CCSER1: variants seen among roughly 807,000 people sequenced by gnomAD.
CCSER1 encodes the protein coiled-coil serine rich protein 1, also known as serine-rich coiled-coil domain-containing protein 1.
CCSER1 carries 41 observed loss-of-function variants against 82.0 expected under a neutral mutation model. The observed-to-expected ratio is 0.50, with a 90% CI of 0.39 to 0.65. The LOEUF (loss-of-function observed/expected upper bound fraction) is 0.65, where lower values mean the gene tolerates loss of function less well. CCSER1 is among the 30% of genes least tolerant of loss of function. The pLI, the probability that CCSER1 is intolerant of heterozygous loss-of-function variation, is 0.00. For synonymous variants in CCSER1, 414 were observed against 383.9 expected, an observed-to-expected ratio of 1.08 and a Z score of -0.92; for missense variants, 1,119 against 1,064.2, an observed-to-expected ratio of 1.05 and a Z score of -0.72.
chr4:90,820,596 CTGTT>C (rs1177982201), intron 8 of CCSER1, among the ~76,000 whole-genome samples: 2 of 152,134 alleles, frequency 1.3e-5, no homozygotes, highest in Non-Finnish European at 2.9e-5. Flanking sequence ...CTTCCCAACA[CTGTT>C]TGGGATTAAG....
chr4:90,700,750 C>A (rs1373570747), intron 6 of CCSER1, among the ~76,000 whole-genome samples: 1 of 152,220 alleles, frequency 6.6e-6, no homozygotes, highest in Non-Finnish European at 1.5e-5. Context: ...TGATGATGAG[C>A]ATTTGTTCAT....
intron 10 of CCSER1, among the ~76,000 whole-genome samples, chr4:91,089,050 A>C (rs2148822443): frequency 6.6e-6 from 1 of 152,314 alleles, no homozygotes; most frequent in Non-Finnish European, 1.5e-5. Context: ...GTAGTGAAGG[A>C]AGTAGCTTTT....
chr4:91,472,884 A>G (rs1757361102), intron 10 of CCSER1, among the ~76,000 whole-genome samples: 1 of 152,192 alleles, frequency 6.6e-6, no homozygotes, highest in Non-Finnish European at 1.5e-5. Flanking sequence ...ATCCATCATC[A>G]TAACAGTTTA....
At chr4:90,746,053 T>C (rs917624021) in intron 7 of CCSER1, among the ~76,000 whole-genome samples, 4 of 152,140 alleles carry the variant, frequency 2.6e-5, no homozygotes, top group Non-Finnish European at 5.9e-5. Context: ...ACTTGTACTT[T>C]CCATTTAGTG....
chr4:90,213,643 G>A (rs1740455863), intron 1 of CCSER1, among the ~76,000 whole-genome samples: 1 of 152,128 alleles, frequency 6.6e-6, no homozygotes, highest in African/African-American at 2.4e-5. Flanking sequence ...TGCTTGGTGA[G>A]GGACAAGCCA....
intron 1 of CCSER1, among the ~76,000 whole-genome samples, chr4:90,235,960 G>T (rs1745711951): frequency 1.3e-5 from 2 of 151,290 alleles, no homozygotes; most frequent in East Asian, 3.9e-4. Context: ...ATTTTTTTTT[G>T]AGAGAGTGTC....
At chr4:90,282,616 G>T (rs1729077468) in intron 1 of CCSER1, among the ~76,000 whole-genome samples, 1 of 151,826 alleles carries the variant, frequency 6.6e-6, no homozygotes, top group African/African-American at 2.4e-5. Flanking sequence ...TGAAATAATT[G>T]ATGTTTCAGA....
At chr4:91,482,947 G>T (rs928215741) in intron 10 of CCSER1, among the ~76,000 whole-genome samples, 7 of 152,126 alleles carry the variant, frequency 4.6e-5, no homozygotes, top group African/African-American at 1.7e-4. Flanking sequence ...CCTGTTGTGG[G>T]GTGGGGGGAG....
intron 9 of CCSER1, among the ~76,000 whole-genome samples, chr4:91,073,052 T>C (rs1186415458): frequency 1.3e-5 from 2 of 152,088 alleles, no homozygotes; most frequent in Non-Finnish European, 2.9e-5. Flanking sequence ...TGACATATAT[T>C]CTTTTTTTAA....
intron 10 of CCSER1, among the ~76,000 whole-genome samples, chr4:91,324,034 C>T (rs938850411): frequency 2.0e-5 from 3 of 152,154 alleles, no homozygotes; most frequent in African/African-American, 7.2e-5. Context: ...TCTAATTTCA[C>T]TTATGATAAT....
At chr4:91,302,442 A>T (rs1402539508) in intron 10 of CCSER1, among the ~76,000 whole-genome samples, 1 of 151,686 alleles carries the variant, frequency 6.6e-6, no homozygotes, top group Non-Finnish European at 1.5e-5. Context: ...AGGCAAAACC[A>T]TTTTTTTTCT....
At chr4:91,438,949 T>C (rs1232145099) in intron 10 of CCSER1, among the ~76,000 whole-genome samples, 1 of 151,954 alleles carries the variant, frequency 6.6e-6, no homozygotes, top group African/African-American at 2.4e-5. Flanking sequence ...TAAAAAGAAA[T>C]GAACAAATCC....
At chr4:90,503,231 T>C (rs921620542) in intron 5 of CCSER1, among the ~76,000 whole-genome samples, 1 of 152,132 alleles carries the variant, frequency 6.6e-6, no homozygotes, top group African/African-American at 2.4e-5. Context: ...ACAGTCATTT[T>C]TGAGCTTGCA....
chr4:91,144,385 C>A (rs575035500), intron 10 of CCSER1, among the ~76,000 whole-genome samples: 2 of 151,636 alleles, frequency 1.3e-5, no homozygotes, highest in South Asian at 2.1e-4. Flanking sequence ...ATTCTATAGA[C>A]CTCATTTATT....
At chr4:90,711,639 AT>A (rs1740630223) in intron 6 of CCSER1, among the ~76,000 whole-genome samples, 1 of 151,122 alleles carries the variant, frequency 6.6e-6, no homozygotes, top group Non-Finnish European at 1.5e-5. Context: ...AGAATTACTG[AT>A]TTGCTTATTT....
intron 5 of CCSER1, among the ~76,000 whole-genome samples, chr4:90,613,955 T>C (rs1426440920): frequency 6.6e-6 from 1 of 152,194 alleles, no homozygotes; most frequent in African/African-American, 2.4e-5. Flanking sequence ...ATATCTCATT[T>C]TATTGCACCT....
intron 1 of CCSER1, among the ~76,000 whole-genome samples, chr4:90,270,510 C>T (rs1726068095): frequency 6.6e-6 from 1 of 151,840 alleles, no homozygotes; most frequent in Non-Finnish European, 1.5e-5. Context: ...TAATAAAATC[C>T]ATATGTGATA....
At chr4:91,538,698 C>CATATATTATGTGTATATATATAT in intron 10 of CCSER1, among the ~76,000 whole-genome samples, 1 of 138,340 alleles carries the variant, frequency 7.2e-6, no homozygotes, top group African/African-American at 2.8e-5. Context: ...TATATATACA[C>CATATATTATGTGTATATATATAT]ATATATATAT....
intron 1 of CCSER1, among the ~76,000 whole-genome samples, chr4:90,134,449 G>A (rs2153320636): frequency 1.3e-5 from 2 of 152,206 alleles, no homozygotes; most frequent in South Asian, 4.2e-4. Context: ...ATTTTCAGTG[G>A]GGATATTGTG....
Sources: gnomAD v4.1 joint callset for allele counts (sites outside exome capture counted in the v4.1 genomes callset) on GRCh38, gnomAD v4.1.1 for gene constraint, MANE v1.5 for transcripts, NCBI Gene and HGNC (gene_info 2026-07-23, HGNC 2026-07-21) for gene names.